KLF12: variants seen among roughly 807,000 people sequenced by gnomAD.
KLF12 encodes the protein KLF transcription factor 12, also known as Krueppel-like factor 12.
A neutral mutation model predicts 37.8 loss-of-function variants in KLF12; 9 were observed. That is an observed-to-expected ratio of 0.24 (90% CI 0.14 to 0.42). The LOEUF is 0.42. Among genes scored for constraint, KLF12 ranks in the 10% least tolerant of loss-of-function variants. The probability of loss-of-function intolerance (pLI) is 1.00; values close to 1 mark genes in which losing one functional copy is unlikely to be tolerated. For missense variants in KLF12, 411 were observed against 516.0 expected (o/e 0.80, Z 1.97); for synonymous variants, 208 against 202.1 (o/e 1.03, Z -0.25).
chr13:74,034,598 G>A (rs1319026386), intron 1 of KLF12, among the ~76,000 whole-genome samples: 1 of 152,196 alleles, frequency 6.6e-6, no homozygotes, highest in Non-Finnish European at 1.5e-5. Context: ...TAGATTTGGA[G>A]TCACCATTCA....
At chr13:74,024,081 A>G (rs1892912916) in intron 1 of KLF12, among the ~76,000 whole-genome samples, 1 of 152,206 alleles carries the variant, frequency 6.6e-6, no homozygotes, top group South Asian at 2.1e-4. Context: ...TGTCAGAGCT[A>G]CAGCAATGCC....
intron 3 of KLF12, among the ~76,000 whole-genome samples, chr13:73,918,009 G>A (rs533013322): frequency 6.6e-6 from 1 of 151,838 alleles, no homozygotes; most frequent in Admixed American, 6.6e-5. Context: ...CTAAGGGGTA[G>A]TCTTTAAATG....
At chr13:74,121,468 AAAAC>A (rs1877630803) in intron 1 of KLF12, among the ~76,000 whole-genome samples, 1 of 152,078 alleles carries the variant, frequency 6.6e-6, no homozygotes, top group South Asian at 2.1e-4. Context: ...TAAACAAAAC[AAAAC>A]AAACAAGCAA....
At chr13:73,929,544 A>G (rs777920656) in intron 3 of KLF12, among the ~76,000 whole-genome samples, 7 of 152,220 alleles carry the variant, frequency 4.6e-5, no homozygotes, top group Non-Finnish European at 1.0e-4. Context: ...AGCTGCAAAC[A>G]ACAGAATCCC....
chr13:73,727,925 G>A (rs570243863), intron 6 of KLF12, among the ~76,000 whole-genome samples: 33 of 152,290 alleles, frequency 2.2e-4, no homozygotes, highest in African/African-American at 7.7e-4. Flanking sequence ...TCGTACTCCT[G>A]ACCTCAGGTG....
At chr13:73,956,977 G>A (rs1375255211) in intron 2 of KLF12, among the ~76,000 whole-genome samples, 1 of 146,406 alleles carries the variant, frequency 6.8e-6, no homozygotes, top group Non-Finnish European at 1.5e-5. Context: ...AGGAAAGGAG[G>A]GAAAGGAGGG....
chr13:73,905,886 A>G (rs1888261317), intron 3 of KLF12, among the ~76,000 whole-genome samples: 1 of 152,120 alleles, frequency 6.6e-6, no homozygotes, highest in Admixed American at 6.5e-5. Context: ...CTTTTCCTCA[A>G]ATTACTTCAT....
intron 2 of KLF12, among the ~76,000 whole-genome samples, chr13:73,966,210 A>G (rs1216925647): frequency 6.6e-6 from 1 of 152,202 alleles, no homozygotes; most frequent in Non-Finnish European, 1.5e-5. Context: ...ATATAATACA[A>G]GCTTGTGCAT....
At chr13:73,887,396 C>A (rs1213744176) in intron 3 of KLF12, among the ~76,000 whole-genome samples, 2 of 152,154 alleles carry the variant, frequency 1.3e-5, no homozygotes, top group Admixed American at 1.3e-4. Context: ...GGCTTACTAC[C>A]ATGGTAACGA....
chr13:74,058,353 C>CTTTT (rs55954411), intron 1 of KLF12, among the ~76,000 whole-genome samples: 1 of 72,648 alleles, frequency 1.4e-5, no homozygotes, highest in Non-Finnish European at 2.6e-5. Context: ...ATAATTTTAT[C>CTTTT]TTTTTTTTTT....
At chr13:74,084,248 T>C (rs1206391379) in intron 1 of KLF12, among the ~76,000 whole-genome samples, 1 of 152,206 alleles carries the variant, frequency 6.6e-6, no homozygotes, top group Non-Finnish European at 1.5e-5. Context: ...CCATTCCCTA[T>C]GAAAGGGCTA....
At chr13:73,922,106 A>C (rs534928099) in intron 3 of KLF12, among the ~76,000 whole-genome samples, 2 of 152,080 alleles carry the variant, frequency 1.3e-5, no homozygotes, top group African/African-American at 4.8e-5. Context: ...CATTTAACTG[A>C]ATTAATTTAT....
chr13:73,801,390 A>G (rs1882271729), intron 5 of KLF12: 1 of 152,074 alleles, frequency 6.6e-6, no homozygotes. Flanking sequence ...GTTTTCTATC[A>G]TGTGTACTCT....
In KLF12 at chr13:74,001,199, A is replaced by G. The variant is rs149900916; in HGVS notation, c.-31-6146T>C. ...CATCTATCAGGAGGCATTTTTAACTATCATGCTGAAGATGTTAAAAATCTT... is the reference window on the plus strand; with the variant it reads ...CATCTATCAGGAGGCATTTTTAACTGTCATGCTGAAGATGTTAAAAATCTT... On this transcript the variant is annotated intron_variant, in intron 1 of 7. Transcript: ENST00000377669. 8.3e-3 allele frequency among the ~76,000 whole-genome samples: 1,260 copies of G among 152,286 alleles called. 10 individuals carry two copies. The highest frequency in any genetic ancestry group is 0.014 in the Middle Eastern group (4 of 294).
chr13:74,031,569 A>G (rs897769741), intron 1 of KLF12, among the ~76,000 whole-genome samples: 1 of 152,166 alleles, frequency 6.6e-6, no homozygotes, highest in Admixed American at 6.6e-5. Context: ...AATCATTACT[A>G]TTAAAGAGAT....
chr13:74,171,435 A>C, the KLF12 span, among the ~76,000 whole-genome samples: 1 of 152,140 alleles, frequency 6.6e-6, no homozygotes, highest in Non-Finnish European at 1.5e-5. Flanking sequence ...TGGAACTTCA[A>C]TTTAGCTGCT....
chr13:73,888,204 A>G (rs966013617), intron 3 of KLF12, among the ~76,000 whole-genome samples: 15 of 152,084 alleles, frequency 9.9e-5, no homozygotes, highest in African/African-American at 3.6e-4. Flanking sequence ...GGGTTTCGCC[A>G]TGTTGTCCAG....
chr13:73,774,238 A>T (rs1880444430), intron 5 of KLF12, among the ~76,000 whole-genome samples: 1 of 151,324 alleles, frequency 6.6e-6, no homozygotes, highest in South Asian at 2.1e-4. Flanking sequence ...TAAGTAAGTC[A>T]ATATATGTGT....
chr13:74,042,202 G>T (rs1158824890), intron 1 of KLF12, among the ~76,000 whole-genome samples: 1 of 151,524 alleles, frequency 6.6e-6, no homozygotes, highest in Non-Finnish European at 1.5e-5. Context: ...TACTCAGGAG[G>T]ATGAGGCAGG....
Sources: allele counts gnomAD v4.1 joint callset (sites outside exome capture counted in the v4.1 genomes callset), GRCh38; gene constraint gnomAD v4.1.1; transcripts MANE v1.5; gene names NCBI Gene and HGNC (gene_info 2026-07-23, HGNC 2026-07-21).